The following TTLL6 variants were observed in gnomAD, a reference collection of about 807,000 sequenced individuals.
TTLL6 encodes the protein tubulin polyglutamylase TTLL6.
Under a neutral mutation model 96.4 loss-of-function variants are expected in TTLL6, and 75 were observed. That is an observed-to-expected ratio of 0.78 (90% confidence interval 0.65 to 0.94). TTLL6 has a LOEUF of 0.94. TTLL6 is among the 40% of genes least tolerant of loss of function. TTLL6 has a pLI of 0.00. For missense variants in TTLL6, 1,030 were observed against 1,093.0 expected, an observed-to-expected ratio of 0.94 and a Z score of 0.81; for synonymous variants, 411 against 419.4, an observed-to-expected ratio of 0.98 and a Z score of 0.24.
At chr17:48,798,748 AAAAAT>A (rs1253521785) in intron 6 of TTLL6, among the ~76,000 whole-genome samples, 2 of 152,138 alleles carry the variant, frequency 1.3e-5, no homozygotes, top group Admixed American at 6.5e-5. Context: ...CTAAAGAAAT[AAAAAT>A]AAAATAAAGT....
chr17:48,800,107 C>CACAG (rs1327526668), intron 5 of TTLL6: 1 of 220,398 alleles, frequency 4.5e-6, no homozygotes, highest in Non-Finnish European at 9.2e-6. Flanking sequence ...ATAATGCAGG[C>CACAG]ACAGTGCTGC....
chr17:48,814,596 A>G (rs1006335299), intron 1 of TTLL6, among the ~76,000 whole-genome samples: 1 of 152,074 alleles, frequency 6.6e-6, no homozygotes, highest in Non-Finnish European at 1.5e-5. Context: ...AATGTCCTAC[A>G]TTGGCCACCA....
chr17:48,804,445 G>T, intron 2 of TTLL6: 1 of 513,574 alleles, frequency 1.9e-6, no homozygotes, highest in South Asian at 1.5e-5. Flanking sequence ...CATACTGAAG[G>T]CGTACTAAAT....
At chr17:48,768,756 G>T (rs868056540) in intron 15 of TTLL6, among the ~76,000 whole-genome samples, 1 of 149,462 alleles carries the variant, frequency 6.7e-6, no homozygotes, top group Non-Finnish European at 1.5e-5. Context: ...TGCCCAGGCT[G>T]GTCTCAAACT....
rs767020421 is a variant in TTLL6, at chr17:48,790,093, G to A, written c.1238C>T (p.Pro413Leu). ...KPWLLEVNHS[P>L]SFSTDSRLDK... is the part of the protein sequence containing the mutation. ...CAACCGAGAGTCGGTGGAGAAGCTTGGAGAGTGGTTGACCTGTGAGGGCAA... is the reference window on the plus strand; with the variant it reads ...CAACCGAGAGTCGGTGGAGAAGCTTAGAGAGTGGTTGACCTGTGAGGGCAA... The change falls in exon 10 of 16, where the codon CCA becomes CTA. Residue 413 changes from proline (P) to leucine (L), a missense_variant. Coordinates refer to ENST00000393382, the MANE Select transcript of TTLL6 (RefSeq NM_001130918.3). 3.1e-6 allele frequency: 5 copies of A among 1,613,842 alleles called. No individual in the cohort carries two copies. Among genetic ancestry groups the A allele is most frequent in the Non-Finnish European group, 4.2e-6 (5 of 1,179,878 alleles).
At chr17:48,768,108 T>C (rs1471737951) in intron 15 of TTLL6, among the ~76,000 whole-genome samples, 1 of 152,072 alleles carries the variant, frequency 6.6e-6, no homozygotes, top group Non-Finnish European at 1.5e-5. Flanking sequence ...GTCACTTTTT[T>C]TTTTGGAGAC....
chr17:48,801,790 T>C, intron 3 of TTLL6, 147 bp from the exon 4 acceptor site: 1 of 629,628 alleles, frequency 1.6e-6, no homozygotes, highest in Non-Finnish European at 2.8e-6. Flanking sequence ...CCTCTCTGGA[T>C]GCAAGAATGG....
intron 1 of TTLL6, among the ~76,000 whole-genome samples, chr17:48,811,340 G>T (rs1486644818): frequency 1.3e-5 from 2 of 151,942 alleles, no homozygotes. Flanking sequence ...AAAGTGCTGG[G>T]ATTACTCAAA....
At chr17:48,794,358 G>GT (rs1180141256) in intron 8 of TTLL6, 4 of 1,548,924 alleles carry the variant, frequency 2.6e-6, no homozygotes, top group Non-Finnish European at 2.6e-6. Context: ...CACACTGTCT[G>GT]TGTTGCCATC....
At chr17:48,789,230 C>T (rs1305375325) in intron 10 of TTLL6, among the ~76,000 whole-genome samples, 1 of 152,026 alleles carries the variant, frequency 6.6e-6, no homozygotes, top group African/African-American at 2.4e-5. Context: ...ACTTAATCTC[C>T]TATTTCTAGG....
rs1369816099 is a variant in TTLL6 at position 48,809,421 on chromosome 17, G to T, written c.104-4430C>A. 4.6e-5 allele frequency among the ~76,000 whole-genome samples: 7 copies of T among 152,314 alleles called. No individual in the cohort carries two copies. In the East Asian group the frequency reaches 1.4e-3, roughly 29 times the overall value. On this transcript the variant is annotated intron_variant, in intron 1 of 15. Coordinates refer to ENST00000393382, the MANE Select transcript of TTLL6 (RefSeq NM_001130918.3). ...TGTACCAAGCCCTCAAGGAGGAGTG[G>T]CTCTGTTTACCTAAAGGTTAATGTT... is the stretch of plus-strand genomic sequence containing the variant.
At chr17:48,780,761 C>T (rs986529857) in intron 13 of TTLL6, among the ~76,000 whole-genome samples, 1 of 152,164 alleles carries the variant, frequency 6.6e-6, no homozygotes, top group African/African-American at 2.4e-5. Flanking sequence ...TTGTGACTAG[C>T]TTCTTTGACT....
chr17:48,772,573 T>C (rs1156332850), intron 13 of TTLL6, among the ~76,000 whole-genome samples: 1 of 151,336 alleles, frequency 6.6e-6, no homozygotes, highest in Non-Finnish European at 1.5e-5. Context: ...CTACCAAAAA[T>C]ACAAAAAATT....
chr17:48,813,705 T>C (rs1190112936), intron 1 of TTLL6, among the ~76,000 whole-genome samples: 4 of 152,224 alleles, frequency 2.6e-5, no homozygotes, highest in Admixed American at 6.5e-5. Context: ...GTATTGTTTC[T>C]ACTTGTATTT....
intron 1 of TTLL6, 57 bp downstream of exon 1, chr17:48,816,913 G>T (rs1204546537): frequency 8.2e-6 from 11 of 1,334,678 alleles, no homozygotes; most frequent in Non-Finnish European, 1.0e-6. Context: ...GTTTTCAGGG[G>T]ACAGGCACCA....
chr17:48,767,065 C>T (rs886426748), intron 15 of TTLL6, among the ~76,000 whole-genome samples: 6 of 152,114 alleles, frequency 3.9e-5, no homozygotes, highest in Admixed American at 6.6e-5. Flanking sequence ...CCATCATGCC[C>T]GGCTACTTTT....
At chr17:48,777,508 A>G (rs555559481) in intron 13 of TTLL6, among the ~76,000 whole-genome samples, 2 of 152,178 alleles carry the variant, frequency 1.3e-5, no homozygotes, top group South Asian at 4.1e-4. Context: ...AGGCGGGTGG[A>G]TGGTCTGAGG....
intron 1 of TTLL6, among the ~76,000 whole-genome samples, chr17:48,810,660 C>T (rs558027336): frequency 4.0e-5 from 6 of 151,768 alleles, no homozygotes; most frequent in East Asian, 3.9e-4. Flanking sequence ...CATGCCACTG[C>T]GCTCCAGCTG....
chr17:48,793,842 T>C (rs986692654), intron 8 of TTLL6, among the ~76,000 whole-genome samples: 1 of 152,152 alleles, frequency 6.6e-6, no homozygotes, highest in African/African-American at 2.4e-5. Flanking sequence ...GGTTCAAGTA[T>C]GTAAATTATC....
Sources: gnomAD v4.1 joint callset for allele counts (sites outside exome capture counted in the v4.1 genomes callset) on GRCh38, gnomAD v4.1.1 for gene constraint, MANE v1.5 for transcripts, NCBI Gene and HGNC (gene_info 2026-07-23, HGNC 2026-07-21) for gene names.